ZNF827: variants seen among roughly 807,000 people sequenced by gnomAD.
ZNF827 encodes zinc finger protein 827.
A neutral mutation model predicts 102.4 loss-of-function variants in ZNF827; 13 were observed. That is an observed-to-expected ratio of 0.13 (90% CI 0.08 to 0.20). The LOEUF is 0.20. ZNF827 is among the 10% of genes least tolerant of loss of function. The pLI is 1.00. For synonymous variants in ZNF827, 523 were observed against 536.2 expected, an observed-to-expected ratio of 0.98 and a Z score of 0.34; for missense variants, 1,103 against 1,344.4, an observed-to-expected ratio of 0.82 and a Z score of 2.81.
At chr4:145,904,316 T>A (rs1446442115) in intron 1 of ZNF827, among the ~76,000 whole-genome samples, 1 of 152,234 alleles carries the variant, frequency 6.6e-6, no homozygotes, top group African/African-American at 2.4e-5. Context: ...GGAGCTTACA[T>A]TCCAGTGGGG....
intron 1 of ZNF827, among the ~76,000 whole-genome samples, chr4:145,915,169 C>T (rs1044586287): frequency 2.0e-5 from 3 of 152,122 alleles, no homozygotes; most frequent in Admixed American, 1.3e-4. Flanking sequence ...TTCTCTTGGC[C>T]GGGTGTGGTA....
intron 1 of ZNF827, among the ~76,000 whole-genome samples, chr4:145,905,591 G>C (rs576890239): frequency 6.6e-6 from 1 of 152,084 alleles, no homozygotes; most frequent in South Asian, 2.1e-4. Context: ...AATTGGCGGC[G>C]ACCCTAAACT....
chr4:145,876,649 A>T (rs972557370), intron 4 of ZNF827: 6 of 152,178 alleles, frequency 3.9e-5, no homozygotes, highest in Non-Finnish European at 8.8e-5. Flanking sequence ...CAGATGAGAG[A>T]TCTCAGACCT....
intron 1 of ZNF827, among the ~76,000 whole-genome samples, chr4:145,938,007 C>T (rs1182777562): frequency 2.5e-4 from 38 of 150,696 alleles, no homozygotes; most frequent in African/African-American, 8.5e-4. Flanking sequence ...GATAAAACCC[C>T]CGGCATCCAC....
chr4:145,916,603 A>G (rs936980373), intron 1 of ZNF827, among the ~76,000 whole-genome samples: 4 of 152,184 alleles, frequency 2.6e-5, no homozygotes, highest in African/African-American at 9.6e-5. Context: ...TCCCCTTATC[A>G]ATCAATCAGT....
intron 7 of ZNF827, among the ~76,000 whole-genome samples, chr4:145,843,978 G>A (rs993014766): frequency 6.6e-5 from 10 of 152,246 alleles, no homozygotes; most frequent in Non-Finnish European, 1.2e-4. Flanking sequence ...GCACTTCCAC[G>A]AGAATCTCCA....
At chr4:145,791,877 T>C (rs2127059506) in intron 8 of ZNF827, among the ~76,000 whole-genome samples, 1 of 152,336 alleles carries the variant, frequency 6.6e-6, no homozygotes, top group Middle Eastern at 3.4e-3. Flanking sequence ...AATCAGCTTG[T>C]TCTTACATAG....
At chr4:145,905,938 C>T (rs1314103259) in intron 1 of ZNF827, among the ~76,000 whole-genome samples, 1 of 152,084 alleles carries the variant, frequency 6.6e-6, no homozygotes, top group East Asian at 1.9e-4. Flanking sequence ...GTGTGTCATA[C>T]CAGAGGAGCT....
At chr4:145,839,222 T>A (rs1745177849) in intron 7 of ZNF827, 1 of 152,216 alleles carries the variant, frequency 6.6e-6, no homozygotes, top group Non-Finnish European at 1.5e-5. Context: ...TTGCTGCTGC[T>A]CTAGCATTCA....
At chr4:145,834,458 C>T (rs1315095266) in intron 7 of ZNF827, among the ~76,000 whole-genome samples, 1 of 152,178 alleles carries the variant, frequency 6.6e-6, no homozygotes, top group Non-Finnish European at 1.5e-5. Context: ...AATTCTTCCT[C>T]AGCCTCTGCT....
chr4:145,930,762 T>C (rs1263000013), intron 1 of ZNF827, among the ~76,000 whole-genome samples: 4 of 152,178 alleles, frequency 2.6e-5, no homozygotes, highest in African/African-American at 9.7e-5. Context: ...AAGGCCACAT[T>C]CTGACCTCAG....
At chr4:145,862,627 T>TA (rs1190062614) in intron 5 of ZNF827, among the ~76,000 whole-genome samples, 3 of 152,188 alleles carry the variant, frequency 2.0e-5, no homozygotes, top group Admixed American at 6.5e-5. Context: ...GTAAGTCATT[T>TA]AAAAAGTTGA....
chr4:145,802,314 A>G (rs1424765785), intron 8 of ZNF827, among the ~76,000 whole-genome samples: 2 of 152,186 alleles, frequency 1.3e-5, no homozygotes, highest in Non-Finnish European at 2.9e-5. Flanking sequence ...GCAGAGTATC[A>G]CCAGACTACA....
At chr4:145,846,980 C>A (rs568974317) in intron 6 of ZNF827, among the ~76,000 whole-genome samples, 312 of 148,522 alleles carry the variant, frequency 2.1e-3, no homozygotes, top group African/African-American at 7.2e-3. Flanking sequence ...ATGGTGAAAA[C>A]CCGTCTCTAC....
intron 10 of ZNF827, among the ~76,000 whole-genome samples, chr4:145,775,032 G>A (rs189769693): frequency 7.0e-4 from 106 of 152,206 alleles, no homozygotes; most frequent in African/African-American, 2.2e-3. Flanking sequence ...TAGTGGTGCC[G>A]GTCCACTGAT....
At chr4:145,848,182 A>C (rs530438435) in intron 6 of ZNF827, among the ~76,000 whole-genome samples, 2 of 152,378 alleles carry the variant, frequency 1.3e-5, no homozygotes, top group African/African-American at 4.8e-5. Flanking sequence ...CCTTCAAAAA[A>C]TACATAAATA....
At chr4:145,923,296 T>A (rs763667447) in intron 1 of ZNF827, among the ~76,000 whole-genome samples, 22 of 152,134 alleles carry the variant, frequency 1.4e-4, no homozygotes, top group Non-Finnish European at 2.8e-4. Flanking sequence ...AGATATGCCA[T>A]CCAAAACATG....
At chr4:145,893,399 G>A (rs995823342) in intron 2 of ZNF827, among the ~76,000 whole-genome samples, 14 of 152,056 alleles carry the variant, frequency 9.2e-5, no homozygotes, top group African/African-American at 3.1e-4. Context: ...TTTCAAAACC[G>A]GTTAAATGAC....
intron 11 of ZNF827, among the ~76,000 whole-genome samples, chr4:145,770,018 C>A (rs1428487775): frequency 6.6e-6 from 1 of 152,176 alleles, no homozygotes; most frequent in Admixed American, 6.5e-5. Context: ...TAGATCCAGG[C>A]TGGGTGCCGT....
Sources: gnomAD v4.1 joint callset for allele counts (sites outside exome capture counted in the v4.1 genomes callset) on GRCh38, gnomAD v4.1.1 for gene constraint, MANE v1.5 for transcripts, NCBI Gene and HGNC (gene_info 2026-07-23, HGNC 2026-07-21) for gene names.